Variants in HSD17B4 observed in about 807,000 individuals in gnomAD.
The protein encoded by HSD17B4 is hydroxysteroid 17-beta dehydrogenase 4.
HSD17B4 carries 70 observed loss-of-function variants against 101.0 expected under a neutral mutation model. That is an observed-to-expected ratio of 0.69 (90% CI 0.57 to 0.85). The LOEUF (loss-of-function observed/expected upper bound fraction) is 0.85. Among genes scored for constraint, HSD17B4 ranks in the 40% least tolerant of loss-of-function variants. The probability of loss-of-function intolerance (pLI) is 0.00; values close to 1 mark genes in which losing one functional copy is unlikely to be tolerated. For missense variants in HSD17B4, 984 were observed against 892.4 expected (o/e 1.10, Z -1.31); for synonymous variants, 347 against 297.1 (o/e 1.17, Z -1.73).
At chr5:119,480,104 T>A (rs1045656405) in intron 8 of HSD17B4, among the ~76,000 whole-genome samples, 1 of 152,210 alleles carries the variant, frequency 6.6e-6, no homozygotes, top group African/African-American at 2.4e-5. Flanking sequence ...ATTGAACATT[T>A]TTTTCCTATG....
chr5:119,459,966 G>C (rs1183606886), intron 2 of HSD17B4, among the ~76,000 whole-genome samples: 2 of 151,334 alleles, frequency 1.3e-5, no homozygotes, highest in East Asian at 3.9e-4. Context: ...CACCTCCCGG[G>C]TTCACGCCAT....
At chr5:119,538,610 C>T (rs1754726023) in intron 23 of HSD17B4, among the ~76,000 whole-genome samples, 2 of 152,094 alleles carry the variant, frequency 1.3e-5, no homozygotes. Context: ...ATGTTTCTTT[C>T]CCTTGCTCCT....
chr5:119,518,648 T>G (rs1752856552), intron 17 of HSD17B4, among the ~76,000 whole-genome samples: 1 of 152,176 alleles, frequency 6.6e-6, no homozygotes, highest in Admixed American at 6.5e-5. Context: ...TGATTGTGCA[T>G]GGGCAGATCT....
intron 13 of HSD17B4, 141 bp downstream of exon 13, chr5:119,499,694 T>G (rs1250439854): frequency 4.3e-6 from 2 of 464,122 alleles, no homozygotes; most frequent in African/African-American, 4.1e-5. Flanking sequence ...TAGCATATCT[T>G]TTGATTTTTC....
intron 20 of HSD17B4, 40 bp downstream of exon 20, chr5:119,527,259 C>T (rs1330870797): frequency 9.2e-7 from 1 of 1,089,502 alleles, no homozygotes; most frequent in African/African-American, 1.5e-5. Flanking sequence ...CATGCTTTAT[C>T]ATTGTGTTCC....
chr5:119,496,796 G>GC, intron 12 of HSD17B4, 150 bp downstream of exon 12: 1 of 731,808 alleles, frequency 1.4e-6, no homozygotes, highest in Non-Finnish European at 2.5e-6. Context: ...AGAAGCAGTG[G>GC]CAGAGATAAT....
rs1173384750 is a variant in HSD17B4, at chr5:119,535,504, C to G, written c.1994-919C>G. On this transcript the variant is annotated intron_variant, in intron 22 of 23. Coordinates refer to ENST00000510025, the MANE Select transcript of HSD17B4 (RefSeq NM_000414.4). ...AGGCTGGAGACCAATTATTTTATAG[C>G]TTGTTTCTTGGTTTGTTTTTAGTTG... Among the ~76,000 whole-genome samples, 3 of 151,510 alleles carry G rather than the reference C, an allele frequency of 2.0e-5. No individual in the cohort carries two copies. The East Asian group carries it at 5.8e-4, about 29-fold the overall frequency.
intron 6 of HSD17B4, chr5:119,476,461 ACAG>A: frequency 1.7e-6 from 1 of 597,484 alleles, no homozygotes. Context: ...ACTAAAATGA[ACAG>A]TGGTGGCTGA....
intron 23 of HSD17B4, among the ~76,000 whole-genome samples, chr5:119,540,620 A>C (rs530754035): frequency 6.6e-6 from 1 of 152,174 alleles, no homozygotes; most frequent in Non-Finnish European, 1.5e-5. Flanking sequence ...AGTGAAAGAA[A>C]TCTTAGTTTT....
chr5:119,509,026 C>A, intron 15 of HSD17B4, 115 bp from the exon 16 acceptor site: 1 of 695,112 alleles, frequency 1.4e-6, no homozygotes, highest in South Asian at 1.6e-5. Flanking sequence ...AGAACTCTTT[C>A]AGTAATTGGA....
At chr5:119,497,624 A>T (rs1202144925) in intron 12 of HSD17B4, among the ~76,000 whole-genome samples, 1 of 152,156 alleles carries the variant, frequency 6.6e-6, no homozygotes, top group Non-Finnish European at 1.5e-5. Flanking sequence ...TTAAACCTCT[A>T]TGTTGAAAGT....
At position 119,527,151 on chromosome 5, in the gene HSD17B4, G is replaced by A. The variant is rs775795599; in HGVS notation, c.1699G>A (p.Val567Ile). Residue 567 changes from valine to isoleucine, a missense_variant, in exon 20 of 24, where the codon GTA becomes ATA. Val to Ile is a conservative substitution (Grantham distance 29). Coordinates refer to ENST00000510025, the MANE Select transcript of HSD17B4 (RefSeq NM_000414.4). ...KAIKARFAKP[V>I]YPGQTLQTEM... ...TTTAAAGGCTCGTTTTGCAAAACCA[G>A]TATATCCAGGACAAACTCTACAAAC... 8 of 1,602,052 alleles carry A rather than the reference G, an allele frequency of 5.0e-6. No individual in the cohort carries two copies. The highest frequency in any genetic ancestry group is 1.7e-5 in the Admixed American group (1 of 59,784).
In HSD17B4 at chr5:119,474,446, CT is replaced by C. The variant is rs1276397342; in HGVS notation, c.270del (p.Phe90LeufsTer4). ...GEKVVKTALD[A>X]FGRIDVVVNN... The stretch of plus-strand genomic sequence containing the variant: ...AAGGTTGTGAAGACAGCCCTGGATG[CT>C]TTTGGAAGAATAGGTGATGTTTCTT... On this transcript the variant is annotated frameshift_variant, in exon 4 of 24. Transcript: ENST00000510025. LOFTEE classifies it high-confidence loss of function. The C allele has an allele frequency of 8.1e-6, 13 of 1,602,906 alleles. No individual in the cohort carries two copies. The highest frequency in any genetic ancestry group is 1.1e-5 in the Non-Finnish European group (13 of 1,169,986).
chr5:119,541,743 C>G (rs535240022), intron 23 of HSD17B4, among the ~76,000 whole-genome samples, 162 bp from the exon 24 acceptor site: 1 of 151,244 alleles, frequency 6.6e-6, no homozygotes, highest in Non-Finnish European at 1.5e-5. Context: ...AAAAAATGTG[C>G]TATCTGTAGT....
chr5:119,454,865 G>A lies in HSD17B4; in HGVS notation c.59-1450G>A, dbSNP rs573507666. 3.1e-4 allele frequency among the ~76,000 whole-genome samples: 47 copies of A among 152,116 alleles called. 1 individual carries two copies. In the South Asian group the frequency reaches 9.6e-3, roughly 31 times the overall value. ...TTGAACTCCAGACCTCAAATGATCCGCCCACCTCTGTCTCATAAAGTGTTG... is the reference window on the plus strand; with the variant it reads ...TTGAACTCCAGACCTCAAATGATCCACCCACCTCTGTCTCATAAAGTGTTG... On this transcript the variant is annotated intron_variant, in intron 1 of 23. Transcript: ENST00000510025.
chr5:119,485,504 A>G (rs1157476836), intron 8 of HSD17B4, among the ~76,000 whole-genome samples: 1 of 152,058 alleles, frequency 6.6e-6, no homozygotes, highest in Non-Finnish European at 1.5e-5. Context: ...TGGGACTATT[A>G]TTTCTAGTCC....
At chr5:119,508,173 C>G (rs1751833856) in intron 15 of HSD17B4, among the ~76,000 whole-genome samples, 1 of 151,654 alleles carries the variant, frequency 6.6e-6, no homozygotes, top group Admixed American at 6.6e-5. Context: ...CAACACTTGG[C>G]TACTATTCTC....
chr5:119,493,495 G>A lies in HSD17B4; in HGVS notation c.740-323G>A. The A allele has an allele frequency of 1.0e-5, 3 of 290,428 alleles. No homozygotes were observed. The South Asian group carries it at 1.1e-4, about 10-fold the overall frequency. 18.0% of individuals were successfully genotyped at this position (290,428 alleles called of 1,614,324 possible). A position where few individuals can be genotyped will look rare whatever the true frequency, so the allele number is the denominator to read the frequency against. On this transcript the variant is annotated intron_variant, in intron 10 of 23. Transcript: ENST00000510025. ...ATGAAGTATATTACTTTGGGGATCTGTGGTCATGAAGTCAGTCTTTTGATG... is the reference window on the plus strand; with the variant it reads ...ATGAAGTATATTACTTTGGGGATCTATGGTCATGAAGTCAGTCTTTTGATG...
chr5:119,452,789 G>A, intron 1 of HSD17B4, 156 bp downstream of exon 1: 1 of 1,544,116 alleles, frequency 6.5e-7, no homozygotes, highest in Middle Eastern at 1.7e-4. Context: ...TCTTGAGGAG[G>A]AAAGAGCCGG....
Sources: allele counts gnomAD v4.1 joint callset (sites outside exome capture counted in the v4.1 genomes callset), GRCh38; gene constraint gnomAD v4.1.1; transcripts MANE v1.5; gene names NCBI Gene and HGNC (gene_info 2026-07-23, HGNC 2026-07-21).